GALK2: variants seen among roughly 807,000 people sequenced by gnomAD.
GALK2 encodes N-acetylgalactosamine kinase.
Under a neutral mutation model 52.4 loss-of-function variants are expected in GALK2, and 36 were observed. The observed-to-expected ratio is 0.69, with a 90% CI of 0.53 to 0.91. The LOEUF (loss-of-function observed/expected upper bound fraction) is 0.91. Ranked by LOEUF, GALK2 falls within the 40% of genes least tolerant of loss-of-function variation. The pLI, the probability that GALK2 is intolerant of heterozygous loss-of-function variation, is 0.00. For missense variants in GALK2, 579 were observed against 559.1 expected, an observed-to-expected ratio of 1.04 and a Z score of -0.36; for synonymous variants, 176 against 199.1, an observed-to-expected ratio of 0.88 and a Z score of 0.98.
intron 1 of GALK2, chr15:49,178,849 C>T (rs1381723589): frequency 3.5e-5 from 6 of 169,668 alleles, no homozygotes; most frequent in African/African-American, 9.6e-5. Flanking sequence ...AGTGCTATTA[C>T]GGTTGTGCCT....
intron 5 of GALK2, among the ~76,000 whole-genome samples, chr15:49,268,887 T>C (rs2029901066): frequency 6.6e-6 from 1 of 152,170 alleles, no homozygotes; most frequent in African/African-American, 2.4e-5. Flanking sequence ...CTTCTACCAA[T>C]AGTGTGCTAA....
At chr15:49,184,747 A>G (rs1204195562) in intron 1 of GALK2, among the ~76,000 whole-genome samples, 1 of 152,220 alleles carries the variant, frequency 6.6e-6, no homozygotes, top group East Asian at 1.9e-4. Context: ...GAGAAAACTA[A>G]TAACACTTCA....
intron 8 of GALK2, among the ~76,000 whole-genome samples, chr15:49,317,733 A>G (rs2036535802): frequency 6.6e-6 from 1 of 152,236 alleles, no homozygotes; most frequent in Non-Finnish European, 1.5e-5. Flanking sequence ...GCAGCCATAA[A>G]AAAGGATGAG....
chr15:49,165,688 T>A (rs1390706156), upstream of GALK2, among the ~76,000 whole-genome samples: 1 of 152,118 alleles, frequency 6.6e-6, no homozygotes. Context: ...ATTATTAAAT[T>A]TAACATTTCT....
At chr15:49,315,863 A>T (rs1228960521) in intron 8 of GALK2, among the ~76,000 whole-genome samples, 1 of 152,190 alleles carries the variant, frequency 6.6e-6, no homozygotes, top group Non-Finnish European at 1.5e-5. Context: ...GCTTTTTGTC[A>T]AAATCAAAGC....
rs149467733 is a variant in GALK2 at position 49,157,581 on chromosome 15, A to G, written c.20+1565A>G. On this transcript the variant is annotated intron_variant, in intron 1 of 9. Transcript: ENST00000327171. ...AGTAGTAGAAACTTTCGAAAAAGTAACATTTCTCTGGATTTAACATGGAAC... is the reference window on the plus strand; with the variant it reads ...AGTAGTAGAAACTTTCGAAAAAGTAGCATTTCTCTGGATTTAACATGGAAC... Among the ~76,000 whole-genome samples, 242 of 152,328 alleles carry G rather than the reference A, an allele frequency of 1.6e-3. 4 individuals are homozygous for G. The East Asian group carries it at 0.026, about 17-fold the overall frequency.
upstream of GALK2, chr15:49,170,069 C>T (rs570803635): frequency 6.2e-5 from 44 of 706,382 alleles, no homozygotes; most frequent in African/African-American, 7.5e-4. Context: ...CCTAGTCCCT[C>T]CCTGGGAGCT....
intron 5 of GALK2, among the ~76,000 whole-genome samples, chr15:49,268,866 T>C (rs2029897433): frequency 6.6e-6 from 1 of 152,226 alleles, no homozygotes; most frequent in Admixed American, 6.5e-5. Flanking sequence ...TACTTCCCTC[T>C]CCTTTGAGCC....
Position 49,176,020 on chromosome 15 carries a change from G to A in GALK2, c.53+5645G>A, listed in dbSNP as rs188440824. ...AGACAGGAGTCTTGCTGATGCTCCC[G>A]GCTGAATAAACCCCTTCCTTCTTTA... On this transcript the variant is annotated intron_variant, in intron 1 of 9. Coordinates refer to ENST00000560031, the MANE Select transcript of GALK2 (RefSeq NM_002044.4). Among the ~76,000 whole-genome samples the A allele has an allele frequency of 6.3e-3, 955 of 152,282 alleles. 10 individuals are homozygous for A. Among genetic ancestry groups the A allele is most frequent in the African/African-American group, 0.015 (632 of 41,548 alleles).
In GALK2 at chr15:49,366,556, C is replaced by T. The variant is rs530641710; in HGVS notation, c.427-935C>T. On this transcript the variant is annotated intron_variant, in intron 3 of 3. Transcript: ENST00000558399. ...GAGCTGACCAATGGGGGTTATAAAGCATGCAGTAGTCCTTGGATGTGCCAT... is the reference window on the plus strand; with the variant it reads ...GAGCTGACCAATGGGGGTTATAAAGTATGCAGTAGTCCTTGGATGTGCCAT... 7 of 1,591,394 alleles carry T rather than the reference C, an allele frequency of 4.4e-6. No individual in the cohort carries two copies. The East Asian group carries it at 1.6e-4, about 36-fold the overall frequency.
chr15:49,169,319 A>C (rs1403751911), upstream of GALK2, among the ~76,000 whole-genome samples: 1 of 151,788 alleles, frequency 6.6e-6, no homozygotes, highest in African/African-American at 2.4e-5. Context: ...GCTTGGGTTT[A>C]ATCTCAATAT....
intron 8 of GALK2, among the ~76,000 whole-genome samples, chr15:49,299,586 T>C (rs1313804342): frequency 6.6e-6 from 1 of 152,110 alleles, no homozygotes; most frequent in African/African-American, 2.4e-5. Flanking sequence ...TATATATTTG[T>C]TTTCATTAGT....
chr15:49,322,051 T>G (rs2036917129), intron 9 of GALK2, among the ~76,000 whole-genome samples: 1 of 152,258 alleles, frequency 6.6e-6, no homozygotes, highest in Non-Finnish European at 1.5e-5. Context: ...TTTTCTGTTC[T>G]AGCAGTCTAC....
At position 49,204,578 on chromosome 15, in the gene GALK2, A is replaced by AT. The variant is rs541836240; in HGVS notation, c.142+3336dup. Among the ~76,000 whole-genome samples the AT allele has an allele frequency of 2.1e-4, 32 of 151,230 alleles. No individual in the cohort carries two copies. In the East Asian group the frequency reaches 4.3e-3, roughly 20 times the overall value. On this transcript the variant is annotated intron_variant, in intron 2 of 9. Transcript: ENST00000560031. ...TGGTTAAATTTATTCCTAGATATTCATTTTTTTTAGCTATTTCAAATGGGA... is the reference window on the plus strand; with the variant it reads ...TGGTTAAATTTATTCCTAGATATTCATTTTTTTTTAGCTATTTCAAATGGGA...
At chr15:49,207,526 A>G (rs2264508) in intron 2 of GALK2, among the ~76,000 whole-genome samples, 89,294 of 151,682 alleles carry the variant, frequency 0.59, 26,416 homozygotes, top group Middle Eastern at 0.66. Context: ...TTTAAATCTC[A>G]CTGCTTGTGA....
At chr15:49,166,707 T>C (rs2084835026), upstream of GALK2, among the ~76,000 whole-genome samples, 1 of 152,068 alleles carries the variant, frequency 6.6e-6, no homozygotes, top group South Asian at 2.1e-4. Flanking sequence ...CGAGACTTGG[T>C]CTCAACAACA....
In GALK2 at chr15:49,265,000, A is replaced by C. The variant is rs578174883; in HGVS notation, c.505-16987A>C. Among the ~76,000 whole-genome samples the C allele has an allele frequency of 9.1e-4, 139 of 152,306 alleles. 5 individuals carry two copies. The South Asian group carries it at 0.028, about 30-fold the overall frequency. On this transcript the variant is annotated intron_variant, in intron 5 of 9. Coordinates refer to ENST00000560031, the MANE Select transcript of GALK2 (RefSeq NM_002044.4). ...CTGCCCCTACTGGGGGGTGCCTCCC[A>C]GTTAGGCTGCTTGGGGGTCAGGGGT...
chr15:49,294,139 TCAAA>T (rs1179649282), intron 8 of GALK2, among the ~76,000 whole-genome samples: 1 of 86,350 alleles, frequency 1.2e-5, no homozygotes, highest in Non-Finnish European at 2.2e-5. Flanking sequence ...AGACCCTGTC[TCAAA>T]TAAATAAATA....
At chr15:49,253,326 G>A (rs1196749134) in intron 5 of GALK2, among the ~76,000 whole-genome samples, 1 of 144,194 alleles carries the variant, frequency 6.9e-6, no homozygotes, top group Admixed American at 7.0e-5. Context: ...GGATCCCAGG[G>A]TTCTCTTGTC....
Sources: allele counts gnomAD v4.1 joint callset (sites outside exome capture counted in the v4.1 genomes callset), GRCh38; gene constraint gnomAD v4.1.1; transcripts MANE v1.5; gene names NCBI Gene and HGNC (gene_info 2026-07-23, HGNC 2026-07-21).